The following STAB2 variants were observed in gnomAD, a reference collection of about 807,000 sequenced individuals.
STAB2 encodes the protein stabilin-2.
In STAB2, 288 loss-of-function variants were observed where a neutral mutation model predicts 338.1. The ratio of observed to expected loss-of-function variants is 0.85; its 90% CI spans 0.77 to 0.94. STAB2 has a LOEUF of 0.94. Among genes scored for constraint, STAB2 ranks in the 40% least tolerant of loss-of-function variants. STAB2 has a pLI of 0.00. For missense variants in STAB2, 3,141 were observed against 3,210.1 expected (o/e 0.98, Z 0.52); for synonymous variants, 1,202 against 1,193.3 (o/e 1.01, Z -0.15).
At chr12:103,705,549 A>T in intron 36 of STAB2, 83 bp from the exon 37 acceptor site, 1 of 1,111,692 alleles carries the variant, frequency 9.0e-7, no homozygotes, top group South Asian at 1.3e-5. Flanking sequence ...AGAGACAGCA[A>T]TGCATCACCC....
chr12:103,623,503 G>A lies in STAB2; in HGVS notation c.487+1392G>A, dbSNP rs1282775254. On this transcript the variant is annotated intron_variant, in intron 5 of 68. Transcript: ENST00000388887. ...GGCAGAAGAGGAGTGTCAGAGTTAC[G>A]AAATATGAGAAAGACTCGATCCGCC... Among the ~76,000 whole-genome samples, 7 of 152,102 alleles carry A rather than the reference G, an allele frequency of 4.6e-5. No homozygotes were observed. The East Asian group carries it at 7.7e-4, about 17-fold the overall frequency.
At chr12:103,634,117 T>G (rs1195316732) in intron 6 of STAB2, among the ~76,000 whole-genome samples, 1 of 152,146 alleles carries the variant, frequency 6.6e-6, no homozygotes. Context: ...CTATACTAGT[T>G]AGGATAATGC....
chr12:103,608,754 A>C (rs1070074), intron 3 of STAB2, among the ~76,000 whole-genome samples: 125,104 of 152,124 alleles, frequency 0.82, 52,178 homozygotes, highest in East Asian at 1. Context: ...GACATGAAGT[A>C]CTTTCCCATG....
intron 23 of STAB2, among the ~76,000 whole-genome samples, chr12:103,674,920 A>G (rs577590199): frequency 6.6e-6 from 1 of 152,308 alleles, no homozygotes; most frequent in East Asian, 1.9e-4. Flanking sequence ...AGGAGTTAGG[A>G]TCTATATCGG....
chr12:103,624,125 C>A (rs948178055), intron 5 of STAB2, among the ~76,000 whole-genome samples: 1 of 152,214 alleles, frequency 6.6e-6, no homozygotes, highest in Admixed American at 6.5e-5. Flanking sequence ...ACATCCCACC[C>A]CCATAAGTTT....
rs758533766 is a variant in STAB2 at position 103,660,781 on chromosome 12, C to A, written c.1869+18C>A. 2 of 1,611,322 alleles carry A rather than the reference C, an allele frequency of 1.2e-6. No homozygotes were observed. The highest frequency in any genetic ancestry group is 1.7e-6 in the Non-Finnish European group (2 of 1,177,530). On this transcript the variant is annotated intron_variant, in intron 17 of 68. Coordinates refer to ENST00000388887, the MANE Select transcript of STAB2 (RefSeq NM_017564.10). Reference sequence around the variant, plus strand: ...CCGACAATGTAAGTGAAAACTCAACCACCACCAGCATCACTTGAACACATC... The same window carrying A: ...CCGACAATGTAAGTGAAAACTCAACAACCACCAGCATCACTTGAACACATC...
At chr12:103,650,436 T>G in intron 10 of STAB2, 60 bp from the exon 11 acceptor site, 1 of 1,482,234 alleles carries the variant, frequency 6.7e-7, no homozygotes. Context: ...CTGATTTTAC[T>G]CCTCCTGTAC....
Position 103,662,859 on chromosome 12 carries a change from C to T in STAB2, c.1883C>T (p.Ala628Val), listed in dbSNP as rs202062666. ...TTTTCTTTCCAGGGACAGATTCTGG[C>T]AAATGATGTGGCAATGGAAGAAATT... ...FNTTDNGQIL[A>V]NDVAMEEIEI... The change falls in exon 18 of 69, where the codon GCA (alanine) becomes GTA (valine). Residue 628 changes from alanine to valine, a missense_variant. Transcript: ENST00000388887. 6.2e-7 allele frequency: 1 copy of T among 1,614,108 alleles called. No homozygotes were observed. The highest frequency in any genetic ancestry group is 2.2e-5 in the East Asian group (1 of 44,876).
chr12:103,715,656 TAGTTC>T (rs749602459), intron 42 of STAB2, among the ~76,000 whole-genome samples, 154 bp from the exon 43 acceptor site: 19 of 152,208 alleles, frequency 1.2e-4, no homozygotes, highest in Non-Finnish European at 2.6e-4. Context: ...AGTACCCTCC[TAGTTC>T]AGTTATTTCT....
At chr12:103,744,815 G>T (rs141205111) in intron 56 of STAB2, among the ~76,000 whole-genome samples, 44 of 152,234 alleles carry the variant, frequency 2.9e-4, no homozygotes, top group African/African-American at 9.9e-4. Context: ...GGAAGCCCCA[G>T]ATGAGATGAT....
intron 20 of STAB2, 36 bp from the exon 21 acceptor site, chr12:103,669,505 G>A (rs368301274): frequency 6.5e-7 from 1 of 1,542,192 alleles, no homozygotes; most frequent in Non-Finnish European, 9.0e-7. Context: ...TGCTCTACTT[G>A]GGGGTTCAAA....
chr12:103,656,034 C>T (rs901406328), intron 15 of STAB2, among the ~76,000 whole-genome samples: 2 of 152,204 alleles, frequency 1.3e-5, no homozygotes, highest in African/African-American at 2.4e-5. Flanking sequence ...CCTTTCCTTT[C>T]CTTTCTATTG....
At chr12:103,599,755 C>T (rs1374880615) in intron 3 of STAB2, among the ~76,000 whole-genome samples, 1 of 152,202 alleles carries the variant, frequency 6.6e-6, no homozygotes, top group Non-Finnish European at 1.5e-5. Flanking sequence ...CCAAAGACTG[C>T]ACTGAGGTGA....
chr12:103,739,593 T>C, intron 54 of STAB2, 125 bp downstream of exon 54: 2 of 729,816 alleles, frequency 2.7e-6, no homozygotes, highest in Non-Finnish European at 4.0e-6. Context: ...GTATGTTGCA[T>C]AAATGTAATT....
At chr12:103,607,535 C>A (rs372226077) in intron 3 of STAB2, among the ~76,000 whole-genome samples, 48,215 of 149,776 alleles carry the variant, frequency 0.32, 9,833 homozygotes, top group African/African-American at 0.58. Flanking sequence ...ATCCCTCCCT[C>A]CTCCCCCCAC....
At chr12:103,652,496 A>C (rs941703530) in intron 11 of STAB2, 60 bp from the exon 12 acceptor site, 4 of 1,464,494 alleles carry the variant, frequency 2.7e-6, no homozygotes, top group South Asian at 1.5e-5. Flanking sequence ...AAGGCACAGC[A>C]TGTGTTACAA....
intron 6 of STAB2, among the ~76,000 whole-genome samples, chr12:103,634,489 G>A (rs1378330111): frequency 2.1e-4 from 32 of 152,188 alleles, no homozygotes; most frequent in Non-Finnish European, 1.5e-5. Flanking sequence ...GTTGTGCAGT[G>A]TCCAACACAC....
intron 33 of STAB2, among the ~76,000 whole-genome samples, chr12:103,697,753 A>C (rs1450654836): frequency 6.6e-6 from 1 of 152,232 alleles, no homozygotes; most frequent in Non-Finnish European, 1.5e-5. Flanking sequence ...TGAAAGGTTA[A>C]AGTGAGAAAG....
intron 18 of STAB2, 115 bp downstream of exon 18, chr12:103,663,113 G>A: frequency 5.3e-6 from 7 of 1,322,644 alleles, no homozygotes; most frequent in Non-Finnish European, 7.2e-6. Context: ...CCAGAACCTT[G>A]TCCCCAAAGG....
Sources: gnomAD v4.1 joint callset for allele counts (sites outside exome capture counted in the v4.1 genomes callset) on GRCh38, gnomAD v4.1.1 for gene constraint, MANE v1.5 for transcripts, NCBI Gene and HGNC (gene_info 2026-07-23, HGNC 2026-07-21) for gene names.